Variants in ST8SIA5 observed in about 807,000 individuals in gnomAD.
The protein encoded by ST8SIA5 is ST8 alpha-N-acetyl-neuraminide alpha-2,8-sialyltransferase 5, also known as alpha-2,8-sialyltransferase 8E.
A neutral mutation model predicts 40.2 loss-of-function variants in ST8SIA5; 24 were observed. The observed-to-expected ratio is 0.60, with a 90% CI of 0.43 to 0.84. ST8SIA5 has a LOEUF of 0.84. ST8SIA5 is among the 40% of genes least tolerant of loss of function. The pLI is 0.00. For synonymous variants in ST8SIA5, 198 were observed against 201.8 expected (o/e 0.98, Z 0.16); for missense variants, 465 against 498.5 (o/e 0.93, Z 0.64).
rs1247106483 is a variant in ST8SIA5 at position 46,677,573 on chromosome 18, A to T, written c.*2469T>A. ...TTGTACAGACGCTGAAGATTTTTAC[A>T]AAGCTTCTAGTTGTAGAGATGAGGA... On this transcript the variant is annotated 3_prime_UTR_variant, in exon 7 of 7. Coordinates refer to ENST00000315087, the MANE Select transcript of ST8SIA5 (RefSeq NM_013305.6). The T allele has an allele frequency of 1.3e-5, 2 of 152,188 alleles. No homozygotes were observed. Among genetic ancestry groups the T allele is most frequent in the African/African-American group, 2.4e-5 (1 of 41,446 alleles). The allele number at this position is 152,188 out of a possible 1,614,324, so 9.4% of individuals were successfully genotyped here.
chr18:46,714,694 A>AC (rs1331156260), intron 1 of ST8SIA5, among the ~76,000 whole-genome samples: 1 of 151,516 alleles, frequency 6.6e-6, no homozygotes, highest in Non-Finnish European at 1.5e-5. Context: ...GGGGGAAGAG[A>AC]CCCCCTCACT....
chr18:46,695,708 G>T (rs556112448), intron 2 of ST8SIA5, among the ~76,000 whole-genome samples: 1 of 152,346 alleles, frequency 6.6e-6, no homozygotes, highest in South Asian at 2.1e-4. Context: ...TACCATGGGG[G>T]CAGGGGATCA....
intron 4 of ST8SIA5, 78 bp downstream of exon 4, chr18:46,688,697 C>T (rs1261652538): frequency 2.0e-5 from 31 of 1,540,064 alleles, no homozygotes; most frequent in Non-Finnish European, 2.6e-5. Context: ...AGGCAAAACC[C>T]CAGGGACATT....
At chr18:46,712,828 CA>C (rs997510414) in intron 1 of ST8SIA5, among the ~76,000 whole-genome samples, 3 of 150,666 alleles carry the variant, frequency 2.0e-5, no homozygotes, top group Non-Finnish European at 4.4e-5. Context: ...ATAACTCTTC[CA>C]AAAAAAAAGC....
At chr18:46,715,886 C>T (rs1287609306) in intron 1 of ST8SIA5, among the ~76,000 whole-genome samples, 3 of 152,042 alleles carry the variant, frequency 2.0e-5, no homozygotes, top group South Asian at 2.1e-4. Context: ...CTGTGCCTGA[C>T]CAGAAGTGAT....
rs2040250202 is a variant in ST8SIA5 at position 46,756,540 on chromosome 18, CG to C, written c.-33del. 2 of 1,609,166 alleles carry C rather than the reference CG, an allele frequency of 1.2e-6. No homozygotes were observed. Among genetic ancestry groups the C allele is most frequent in the South Asian group, 1.1e-5 (1 of 90,626 alleles). ...TACCGGGCGCCGCGGGCGCGGGGTACGGGGCGGCCAGGCAATGACTCGCGGG... is the reference window on the plus strand; with the variant it reads ...TACCGGGCGCCGCGGGCGCGGGGTACGGGCGGCCAGGCAATGACTCGCGGG... On this transcript the variant is annotated 5_prime_UTR_variant, in exon 1 of 7. Transcript: ENST00000315087.
intron 2 of ST8SIA5, among the ~76,000 whole-genome samples, chr18:46,698,245 A>G (rs1186734366): frequency 1.3e-5 from 2 of 151,606 alleles, no homozygotes; most frequent in Non-Finnish European, 2.9e-5. Context: ...CCAACAATCA[A>G]AACAACAACC....
Position 46,679,828 on chromosome 18 carries a change from G to A in ST8SIA5, c.*214C>T, listed in dbSNP as rs2039368427. 1.7e-6 allele frequency: 1 copy of A among 593,368 alleles called. No homozygotes were observed. The highest frequency in any genetic ancestry group is 3.0e-6 in the Non-Finnish European group (1 of 337,954). The allele number at this position is 593,368 out of a possible 1,614,324, so 36.8% of individuals were successfully genotyped here. A position where few individuals can be genotyped will look rare whatever the true frequency, so the allele number is the denominator to read the frequency against. On this transcript the variant is annotated 3_prime_UTR_variant, in exon 7 of 7. Transcript: ENST00000315087. ...GGACGCACTGGGCGGATGCACCGGT[G>A]GGGGCCAGGCCAGGAGGCTCAGCAC...
At chr18:46,725,972 A>AAAAAAATATATATATATATATAT (rs59660372) in intron 1 of ST8SIA5, among the ~76,000 whole-genome samples, 1 of 29,096 alleles carries the variant, frequency 3.4e-5, no homozygotes, top group Non-Finnish European at 6.0e-5. Context: ...AAAAAAAAAA[A>AAAAAAATATATATATATATATAT]ATATATATAT....
intron 2 of ST8SIA5, among the ~76,000 whole-genome samples, chr18:46,702,405 G>A (rs763708025): frequency 5.9e-5 from 9 of 152,072 alleles, no homozygotes; most frequent in East Asian, 3.8e-4. Context: ...AACCATTCCC[G>A]TGGCTCTCAT....
chr18:46,750,450 T>C (rs1210901169), intron 1 of ST8SIA5, among the ~76,000 whole-genome samples: 1 of 152,190 alleles, frequency 6.6e-6, no homozygotes, highest in East Asian at 1.9e-4. Flanking sequence ...ATCTTTCTTT[T>C]AATGCTTTTT....
chr18:46,715,093 G>A (rs867757571), intron 1 of ST8SIA5, among the ~76,000 whole-genome samples: 3 of 152,168 alleles, frequency 2.0e-5, no homozygotes, highest in Admixed American at 6.5e-5. Context: ...TTTGCTTTTT[G>A]TTTCTCCAGC....
intron 1 of ST8SIA5, among the ~76,000 whole-genome samples, chr18:46,735,241 G>A (rs967106461): frequency 6.6e-6 from 1 of 152,240 alleles, no homozygotes; most frequent in Non-Finnish European, 1.5e-5. Flanking sequence ...TGGGGACTTG[G>A]ACTGGCTTCC....
At chr18:46,727,398 T>G (rs1465187009) in intron 1 of ST8SIA5, among the ~76,000 whole-genome samples, 3 of 152,134 alleles carry the variant, frequency 2.0e-5, no homozygotes, top group Non-Finnish European at 4.4e-5. Flanking sequence ...CCTACAGCCA[T>G]CAGAGGATGG....
intron 1 of ST8SIA5, among the ~76,000 whole-genome samples, chr18:46,707,846 G>T (rs1221252660): frequency 5.3e-5 from 8 of 152,166 alleles, no homozygotes; most frequent in Non-Finnish European, 1.0e-4. Context: ...TGCTGTTTAT[G>T]AACCAGGAAG....
intron 1 of ST8SIA5, among the ~76,000 whole-genome samples, chr18:46,755,712 C>A (rs752449040): frequency 1.3e-5 from 2 of 151,856 alleles, no homozygotes; most frequent in Non-Finnish European, 2.9e-5. Flanking sequence ...GAGAGCCCAA[C>A]GAGGGGTTAA....
intron 2 of ST8SIA5, 33 bp downstream of exon 2, chr18:46,704,539 C>A: frequency 1.9e-6 from 3 of 1,595,496 alleles, no homozygotes; most frequent in South Asian, 2.2e-5. Context: ...CCTCCACATG[C>A]TCCCTGCACC....
chr18:46,743,137 A>C (rs1308680000), intron 1 of ST8SIA5, among the ~76,000 whole-genome samples: 1 of 152,222 alleles, frequency 6.6e-6, no homozygotes, highest in African/African-American at 2.4e-5. Flanking sequence ...AAATTCTAAA[A>C]ACCAGGGTGC....
At chr18:46,714,504 T>C (rs573221284) in intron 1 of ST8SIA5, among the ~76,000 whole-genome samples, 1 of 151,596 alleles carries the variant, frequency 6.6e-6, no homozygotes, top group Non-Finnish European at 1.5e-5. Context: ...GTCTGGGGAG[T>C]TGACCTGCAG....
Sources: allele counts gnomAD v4.1 joint callset (sites outside exome capture counted in the v4.1 genomes callset), GRCh38; gene constraint gnomAD v4.1.1; transcripts MANE v1.5; gene names NCBI Gene and HGNC (gene_info 2026-07-23, HGNC 2026-07-21).